Variants in RRP15 observed in about 807,000 individuals in gnomAD.
The protein encoded by RRP15 is RRP15-like protein.
RRP15 carries 18 observed loss-of-function variants against 27.1 expected under a neutral mutation model. The ratio of observed to expected loss-of-function variants is 0.66; its 90% CI spans 0.46 to 0.98. The LOEUF (loss-of-function observed/expected upper bound fraction) is 0.98. Among genes scored for constraint, RRP15 ranks in the 50% least tolerant of loss-of-function variants. The pLI, the probability that RRP15 is intolerant of heterozygous loss-of-function variation, is 0.00. For synonymous variants in RRP15, 107 were observed against 109.4 expected (o/e 0.98, Z 0.14); for missense variants, 359 against 337.8 (o/e 1.06, Z -0.49).
In RRP15 at chr1:218,331,117, T is replaced by G; in HGVS notation, c.*26T>G. Reference sequence around the variant, plus strand: ...AGCATCATAGGAAATACAATTGCAGTCGTTTTATTTTTTCTAGAAAAATAT... The same window carrying G: ...AGCATCATAGGAAATACAATTGCAGGCGTTTTATTTTTTCTAGAAAAATAT... On this transcript the variant is annotated 3_prime_UTR_variant, in exon 5 of 5. Transcript: ENST00000366932. 6.3e-7 allele frequency: 1 copy of G among 1,587,536 alleles called. No homozygotes were observed. Among genetic ancestry groups the G allele is most frequent in the East Asian group, 2.3e-5 (1 of 44,390 alleles).
intron 4 of RRP15, among the ~76,000 whole-genome samples, chr1:218,324,249 T>C (rs915314574): frequency 1.3e-5 from 2 of 151,840 alleles, no homozygotes; most frequent in Non-Finnish European, 2.9e-5. Context: ...GCAGGGGAGG[T>C]GCAGGTGGCA....
intron 1 of RRP15, among the ~76,000 whole-genome samples, chr1:218,297,292 G>C (rs1655736330): frequency 6.6e-6 from 1 of 152,070 alleles, no homozygotes; most frequent in South Asian, 2.1e-4. Context: ...ATGAATTCAA[G>C]ATTCCCAGTA....
At chr1:218,324,387 G>T (rs1463762037) in intron 4 of RRP15, among the ~76,000 whole-genome samples, 2 of 152,204 alleles carry the variant, frequency 1.3e-5, no homozygotes, top group East Asian at 3.9e-4. Flanking sequence ...TGAGGCCATG[G>T]CAGAGGCTCC....
At chr1:218,304,852 G>T (rs553207169) in intron 2 of RRP15, among the ~76,000 whole-genome samples, 176 bp from the exon 3 acceptor site, 1 of 152,264 alleles carries the variant, frequency 6.6e-6, no homozygotes, top group South Asian at 2.1e-4. Flanking sequence ...GACACGCTGA[G>T]TGCTAACCAC....
intron 1 of RRP15, among the ~76,000 whole-genome samples, chr1:218,286,999 G>A (rs768571129): frequency 2.6e-5 from 4 of 152,052 alleles, no homozygotes; most frequent in African/African-American, 4.8e-5. Flanking sequence ...TGCCACCCAG[G>A]CTAGAGTGCA....
chr1:218,292,099 G>T (rs1475292852), intron 1 of RRP15, among the ~76,000 whole-genome samples: 1 of 152,192 alleles, frequency 6.6e-6, no homozygotes, highest in Non-Finnish European at 1.5e-5. Context: ...GCCTCCCGAA[G>T]TGTTGGGATT....
rs1231678269 is a variant in RRP15, at chr1:218,334,959, A to AT, written c.*3870dup. The AT allele has an allele frequency of 6.6e-6, 1 of 152,218 alleles. No individual in the cohort carries two copies. Among genetic ancestry groups the AT allele is most frequent in the African/African-American group, 2.4e-5 (1 of 41,454 alleles). 9.4% of individuals were successfully genotyped at this position (152,218 alleles called of 1,614,324 possible). A position where few individuals can be genotyped will look rare whatever the true frequency, so the allele number is the denominator to read the frequency against. Reference sequence around the variant, plus strand: ...AGTGGGCGAGCTTTTCTGAAATTTGATTAAACATATTAGTCAAGGGAATCT... The same window carrying AT: ...AGTGGGCGAGCTTTTCTGAAATTTGATTTAAACATATTAGTCAAGGGAATCT... On this transcript the variant is annotated 3_prime_UTR_variant, in exon 5 of 5. Coordinates refer to ENST00000366932, the MANE Select transcript of RRP15 (RefSeq NM_016052.4).
intron 4 of RRP15, among the ~76,000 whole-genome samples, chr1:218,327,249 G>A (rs11118083): frequency 0.071 from 10,858 of 152,188 alleles, 641 homozygotes; most frequent in African/African-American, 0.17. Context: ...CTTTCTACGT[G>A]TGTCTTTAGC....
chr1:218,316,184 A>G (rs1384775907), intron 4 of RRP15, among the ~76,000 whole-genome samples: 1 of 152,216 alleles, frequency 6.6e-6, no homozygotes, highest in Non-Finnish European at 1.5e-5. Flanking sequence ...AAATATGGAT[A>G]TTAGTGAAGA....
intron 4 of RRP15, among the ~76,000 whole-genome samples, chr1:218,319,937 A>G (rs1656159738): frequency 6.6e-6 from 1 of 151,930 alleles, no homozygotes; most frequent in African/African-American, 2.4e-5. Flanking sequence ...TATTTCAAAC[A>G]ACTAATTTAC....
Position 218,335,983 on chromosome 1 carries a change from C to T in RRP15, c.*4892C>T, listed in dbSNP as rs769933850. ...ATCTGAGGCTTTCAGAATTAATGCA[C>T]CAAACCTTAAATATTTTTGTTGTTC... is the stretch of plus-strand genomic sequence containing the variant. On this transcript the variant is annotated 3_prime_UTR_variant, in exon 5 of 5. Transcript: ENST00000366932. The T allele has an allele frequency of 6.6e-6, 1 of 152,062 alleles. No homozygotes were observed. Among genetic ancestry groups the T allele is most frequent in the African/African-American group, 2.4e-5 (1 of 41,382 alleles). 9.4% of individuals were successfully genotyped at this position (152,062 alleles called of 1,614,324 possible).
chr1:218,335,072 A>G lies in RRP15; in HGVS notation c.*3981A>G, dbSNP rs1325443314. 6.6e-6 allele frequency: 1 copy of G among 152,228 alleles called. No homozygotes were observed. The highest frequency in any genetic ancestry group is 1.5e-5 in the Non-Finnish European group (1 of 68,030). The allele number at this position is 152,228 out of a possible 1,614,324, so 9.4% of individuals were successfully genotyped here. A position where few individuals can be genotyped will look rare whatever the true frequency, so the allele number is the denominator to read the frequency against. ...TGTTTTAATAAAATGCTAAGTTAGA[A>G]TGAATAATCATAATTATATAGATGG... On this transcript the variant is annotated 3_prime_UTR_variant, in exon 5 of 5. Transcript: ENST00000366932.
intron 4 of RRP15, 81 bp downstream of exon 4, chr1:218,307,713 ATT>A (rs1331735174): frequency 2.1e-6 from 2 of 937,678 alleles, no homozygotes; most frequent in African/African-American, 3.4e-5. Flanking sequence ...AGACTATAGA[ATT>A]ACAGAGTTTT....
intron 4 of RRP15, among the ~76,000 whole-genome samples, chr1:218,328,734 A>G (rs2102517233): frequency 6.6e-6 from 1 of 151,904 alleles, no homozygotes; most frequent in Admixed American, 6.6e-5. Context: ...GGGTTTTCTG[A>G]TGCTACCTAG....
intron 4 of RRP15, among the ~76,000 whole-genome samples, chr1:218,315,730 A>T (rs1159669582): frequency 6.6e-6 from 1 of 151,648 alleles, no homozygotes; most frequent in East Asian, 1.9e-4. Flanking sequence ...TGCTGGGATT[A>T]CAGGCTTGAG....
intron 1 of RRP15, among the ~76,000 whole-genome samples, chr1:218,288,203 A>G (rs1354287105): frequency 6.6e-6 from 1 of 152,232 alleles, no homozygotes; most frequent in Non-Finnish European, 1.5e-5. Context: ...GTGCCAGGAC[A>G]GTTTGTAGGC....
At chr1:218,294,717 C>A (rs1229985040) in intron 1 of RRP15, among the ~76,000 whole-genome samples, 1 of 152,026 alleles carries the variant, frequency 6.6e-6, no homozygotes, top group East Asian at 1.9e-4. Flanking sequence ...CGAGGTGACT[C>A]ATTTAACTTT....
intron 4 of RRP15, among the ~76,000 whole-genome samples, chr1:218,323,893 G>A (rs563872825): frequency 6.6e-6 from 1 of 152,162 alleles, no homozygotes; most frequent in Non-Finnish European, 1.5e-5. Flanking sequence ...GGGAGAAACC[G>A]GGCAGTGGGA....
chr1:218,304,241 A>G (rs1655858538), intron 2 of RRP15, among the ~76,000 whole-genome samples: 4 of 152,220 alleles, frequency 2.6e-5, no homozygotes, highest in Non-Finnish European at 5.9e-5. Flanking sequence ...ACTGGTTTTG[A>G]TGCTTGCCAG....
Sources: gnomAD v4.1 joint callset for allele counts (sites outside exome capture counted in the v4.1 genomes callset) on GRCh38, gnomAD v4.1.1 for gene constraint, MANE v1.5 for transcripts, NCBI Gene and HGNC (gene_info 2026-07-23, HGNC 2026-07-21) for gene names.